The following C3orf52 variants were observed in gnomAD, a reference collection of about 807,000 sequenced individuals.
C3orf52 encodes the protein chromosome 3 open reading frame 52.
Under a neutral mutation model 24.8 loss-of-function variants are expected in C3orf52, and 22 were observed. That is an observed-to-expected ratio of 0.89 (90% CI 0.63 to 1.27). C3orf52 has a LOEUF of 1.27. Among genes scored for constraint, C3orf52 ranks in the 50% most tolerant of loss-of-function variants. C3orf52 has a pLI of 0.00. For missense variants in C3orf52, 265 were observed against 260.7 expected, an observed-to-expected ratio of 1.02 and a Z score of -0.11; for synonymous variants, 93 against 100.2, an observed-to-expected ratio of 0.93 and a Z score of 0.43.
chr3:112,109,963 G>T, intron 4 of C3orf52: 1 of 219,772 alleles, frequency 4.6e-6, no homozygotes, highest in South Asian at 8.5e-5. Flanking sequence ...TGATGCGAGT[G>T]ATACATGTAT....
At chr3:112,132,725 G>A (rs996940195), downstream of C3orf52, 76 of 949,400 alleles carry the variant, frequency 8.0e-5, no homozygotes, top group African/African-American at 1.2e-3. Context: ...GCTGAAAGAG[G>A]GTGGTGATTT....
At chr3:112,111,308 A>G (rs2074080324) in intron 4 of C3orf52, 1 of 152,302 alleles carries the variant, frequency 6.6e-6, no homozygotes, top group South Asian at 2.1e-4. Context: ...GAATTGAGGA[A>G]GAAAAGCCAT....
chr3:112,135,533 C>T (rs1184813531), downstream of C3orf52, among the ~76,000 whole-genome samples: 1 of 152,062 alleles, frequency 6.6e-6, no homozygotes, highest in East Asian at 1.9e-4. Context: ...TTCCTTTTGG[C>T]TCTGTGAGGG....
chr3:112,113,049 G>A lies in C3orf52; in HGVS notation c.553G>A (p.Glu185Lys), dbSNP rs191148598. The A allele has an allele frequency of 1.1e-3, 1,850 of 1,609,790 alleles. 4 individuals carry two copies. The highest frequency in any genetic ancestry group is 2.9e-3 in the South Asian group (262 of 89,692). The part of the protein sequence containing the change: ...ENFMKYMMSE[E>K]LVLGILLQDF... The stretch of plus-strand genomic sequence containing the variant: ...TTTTATGAAGTATATGATGAGTGAG[G>A]AGTTGGTGCTGGGCATTTTGCTACA... The change falls in exon 5 of 6, where the codon GAG becomes AAG. Residue 185 changes from glutamate to lysine, a missense_variant. Glu to Lys is a moderately conservative substitution (Grantham distance 56). Transcript: ENST00000264848.
At chr3:112,086,642 G>A in intron 1 of C3orf52, 97 bp downstream of exon 1, 1 of 1,428,796 alleles carries the variant, frequency 7.0e-7, no homozygotes, top group South Asian at 1.4e-5. Context: ...CAGTCAGGCG[G>A]GGCGTCGACG....
chr3:112,124,884 C>T (rs1202438199), intron 4 of C3orf52, among the ~76,000 whole-genome samples: 1 of 152,150 alleles, frequency 6.6e-6, no homozygotes, highest in Non-Finnish European at 1.5e-5. Flanking sequence ...TCTCAGTTTT[C>T]TCATCTATAA....
At chr3:112,105,536 G>A (rs1237093397) in intron 3 of C3orf52, among the ~76,000 whole-genome samples, 1 of 62,910 alleles carries the variant, frequency 1.6e-5, no homozygotes, top group Non-Finnish European at 3.7e-5. Flanking sequence ...ACACTTCTTT[G>A]GCCGTGTGTG....
chr3:112,086,425 C>G lies in C3orf52; in HGVS notation c.18C>G (p.Pro6=), dbSNP rs2073825498. MDLAQ[P]SQPVDELELS... ...GCCGGCACATGGACCTGGCCCAACCCTCACAGCCAGTAGACGAGCTGGAGC... is the reference window on the plus strand; with the variant it reads ...GCCGGCACATGGACCTGGCCCAACCGTCACAGCCAGTAGACGAGCTGGAGC... Residue 6 remains proline, a synonymous_variant, in exon 1 of 6, where the codon CCC becomes CCG. Transcript: ENST00000264848. The G allele has an allele frequency of 5.8e-6, 9 of 1,550,746 alleles. No individual in the cohort carries two copies. Among genetic ancestry groups the G allele is most frequent in the Non-Finnish European group, 7.9e-6 (9 of 1,146,464 alleles).
chr3:112,113,284 C>T, intron 5 of C3orf52, 139 bp downstream of exon 5: 3 of 647,164 alleles, frequency 4.6e-6, no homozygotes, highest in South Asian at 4.1e-5. Flanking sequence ...CTCATCCCCT[C>T]AGCAGATGGT....
At chr3:112,105,391 G>A (rs140521830) in intron 3 of C3orf52, among the ~76,000 whole-genome samples, 4 of 152,334 alleles carry the variant, frequency 2.6e-5, no homozygotes, top group African/African-American at 9.6e-5. Flanking sequence ...AGGTATTGCT[G>A]TCTTATTGTC....
At position 112,116,965 on chromosome 3, in the gene C3orf52, G is replaced by GT. The variant is rs2074139646; in HGVS notation, c.*325dup. ...GTTTGTTTTTGTTTTGTTTCGTTTT[G>GT]TTTTTTGAGACAGGGTCTCGTTCTG... is the stretch of plus-strand genomic sequence containing the variant. On this transcript the variant is annotated 3_prime_UTR_variant, in exon 6 of 6. Transcript: ENST00000264848. 6.6e-7 allele frequency: 1 copy of GT among 1,522,540 alleles called. No homozygotes were observed. Among genetic ancestry groups the GT allele is most frequent in the African/African-American group, 1.4e-5 (1 of 72,750 alleles). The allele number at this position is 1,522,540 out of a possible 1,614,324, so 94.3% of individuals were successfully genotyped here.
intron 4 of C3orf52, among the ~76,000 whole-genome samples, chr3:112,127,208 A>C (rs2074345543): frequency 6.6e-6 from 1 of 152,214 alleles, no homozygotes; most frequent in African/African-American, 2.4e-5. Context: ...GAGGCCAAAT[A>C]GAAATATATT....
At position 112,117,573 on chromosome 3, in the gene C3orf52, T is replaced by C. The variant is rs1280468747; in HGVS notation, c.*927T>C. The stretch of plus-strand genomic sequence containing the variant: ...TAATATCTGCTCTGGATATTACGCA[T>C]TGGCTTTTTGTTGCCTAGTGCTACA... On this transcript the variant is annotated 3_prime_UTR_variant, in exon 6 of 6. Transcript: ENST00000264848. 2 of 152,280 alleles carry C rather than the reference T, an allele frequency of 1.3e-5. No homozygotes were observed. The highest frequency in any genetic ancestry group is 2.9e-5 in the Non-Finnish European group (2 of 68,068). 9.4% of individuals were successfully genotyped at this position (152,280 alleles called of 1,614,324 possible).
Position 112,092,014 on chromosome 3 carries a change from G to GA in C3orf52, c.139-1332dup, listed in dbSNP as rs5851817. 6.9e-3 allele frequency among the ~76,000 whole-genome samples: 1,001 copies of GA among 144,332 alleles called. 10 individuals are homozygous for GA. Among genetic ancestry groups the GA allele is most frequent in the African/African-American group, 0.024 (945 of 39,244 alleles). The allele number at this position is 144,332 out of a possible 152,430, so 94.7% of individuals were successfully genotyped here. A position where few individuals can be genotyped will look rare whatever the true frequency, so the allele number is the denominator to read the frequency against. On this transcript the variant is annotated intron_variant, in intron 1 of 5. Coordinates refer to ENST00000264848, the MANE Select transcript of C3orf52 (RefSeq NM_024616.3). ...GCGAGACTCCATCTCAAGAAAAAAA[G>GA]AAAAAAAAAAAAAAGAATGGGAGAG...
At chr3:112,090,945 C>T (rs1030387206) in intron 1 of C3orf52, among the ~76,000 whole-genome samples, 6 of 152,260 alleles carry the variant, frequency 3.9e-5, no homozygotes, top group South Asian at 2.1e-4. Flanking sequence ...GTCTTTTTCC[C>T]GTGTGGCTTC....
chr3:112,109,645 T>C, intron 4 of C3orf52, 32 bp downstream of exon 4: 1 of 1,403,912 alleles, frequency 7.1e-7, no homozygotes, highest in Non-Finnish European at 1.0e-6. Context: ...TTTTGCTCTC[T>C]TTCTCTGGAA....
chr3:112,100,201 C>G (rs2073959583), intron 2 of C3orf52, among the ~76,000 whole-genome samples: 1 of 152,222 alleles, frequency 6.6e-6, no homozygotes, highest in East Asian at 1.9e-4. Flanking sequence ...ACACCAGCCT[C>G]TACTTTCTTC....
intron 2 of C3orf52, among the ~76,000 whole-genome samples, chr3:112,099,292 T>C (rs1488913461): frequency 6.6e-6 from 1 of 152,188 alleles, no homozygotes; most frequent in Non-Finnish European, 1.5e-5. Flanking sequence ...CTCACATTGG[T>C]GGTTAGATTT....
rs1444962713 is a variant in C3orf52 at position 112,118,014 on chromosome 3, A to G, written c.*1368A>G. The stretch of plus-strand genomic sequence containing the variant: ...ATTTGCTTTCCTATTTAACTAGAAG[A>G]TACATGTACTATAGATCATTGTCTC... On this transcript the variant is annotated 3_prime_UTR_variant, in exon 6 of 6. Coordinates refer to ENST00000264848, the MANE Select transcript of C3orf52 (RefSeq NM_024616.3). 4 of 152,216 alleles carry G rather than the reference A, an allele frequency of 2.6e-5. No homozygotes were observed. Among genetic ancestry groups the G allele is most frequent in the Non-Finnish European group, 5.9e-5 (4 of 68,034 alleles). The allele number at this position is 152,216 out of a possible 1,614,324, so 9.4% of individuals were successfully genotyped here. A position where few individuals can be genotyped will look rare whatever the true frequency, so the allele number is the denominator to read the frequency against.
Sources: gnomAD v4.1 joint callset for allele counts (sites outside exome capture counted in the v4.1 genomes callset) on GRCh38, gnomAD v4.1.1 for gene constraint, MANE v1.5 for transcripts, NCBI Gene and HGNC (gene_info 2026-07-23, HGNC 2026-07-21) for gene names.